Variants in SPTA1 observed in about 807,000 individuals in gnomAD.
The protein encoded by SPTA1 is spectrin alpha, erythrocytic 1.
A neutral mutation model predicts 324.7 loss-of-function variants in SPTA1; 177 were observed. That is an observed-to-expected ratio of 0.55 (90% CI 0.48 to 0.62). SPTA1 has a LOEUF of 0.62. SPTA1 is among the 20% of genes least tolerant of loss of function. SPTA1 has a pLI of 0.00. For synonymous variants in SPTA1, 1,195 were observed against 1,041.3 expected, an observed-to-expected ratio of 1.15 and a Z score of -2.84; for missense variants, 3,162 against 2,883.6, an observed-to-expected ratio of 1.10 and a Z score of -2.21.
chr1:158,671,840 C>G (rs1481950725), intron 11 of SPTA1, among the ~76,000 whole-genome samples: 2 of 152,174 alleles, frequency 1.3e-5, no homozygotes, highest in African/African-American at 4.8e-5. Flanking sequence ...GTTAAAGCCT[C>G]TCTGCTATGT....
chr1:158,654,553 G>T (rs1652688271), intron 21 of SPTA1, 58 bp downstream of exon 21: 1 of 1,608,714 alleles, frequency 6.2e-7, no homozygotes. Context: ...TGGCAGGATT[G>T]GGAGAGATGG....
intron 39 of SPTA1, among the ~76,000 whole-genome samples, chr1:158,628,844 A>G (rs1192145471): frequency 6.6e-6 from 1 of 152,128 alleles, no homozygotes; most frequent in Admixed American, 6.6e-5. Context: ...GAGAAAATAG[A>G]TAAATTCCTA....
chr1:158,642,137 C>A lies in SPTA1; in HGVS notation c.4737+274G>T, dbSNP rs530356469. ...GAACACATGGACACAGGAATGGGAA[C>A]ATCACACACCAGGGACTGTTGTGGG... On this transcript the variant is annotated intron_variant, in intron 33 of 51. Coordinates refer to ENST00000643759, the MANE Select transcript of SPTA1 (RefSeq NM_003126.4). Among the ~76,000 whole-genome samples the A allele has an allele frequency of 2.0e-5, 3 of 151,840 alleles. No homozygotes were observed. The South Asian group carries it at 6.3e-4, about 32-fold the overall frequency.
chr1:158,651,365 A>G lies in SPTA1; in HGVS notation c.3477+2T>C. 1 of 1,609,450 alleles carries G rather than the reference A, an allele frequency of 6.2e-7. No individual in the cohort carries two copies. Among genetic ancestry groups the G allele is most frequent in the Non-Finnish European group, 8.5e-7 (1 of 1,175,800 alleles). ...AGGAGGAATGGAGGGAGCCTTAGTT[A>G]CCTGCCGGATTTGAGCTCCTTCTGG... On this transcript the variant is annotated splice_donor_variant, in intron 24 of 51. Transcript: ENST00000643759. LOFTEE classifies it high-confidence loss of function.
chr1:158,638,348 T>C (rs745757049), intron 35 of SPTA1, 107 bp from the exon 36 acceptor site: 3 of 1,117,688 alleles, frequency 2.7e-6, no homozygotes, highest in Non-Finnish European at 3.9e-6. Flanking sequence ...AATGGATTGC[T>C]TTTAAAGACA....
At chr1:158,615,100 A>T in intron 48 of SPTA1, 116 bp downstream of exon 48, 2 of 1,145,104 alleles carry the variant, frequency 1.7e-6, no homozygotes, top group Non-Finnish European at 2.6e-6. Flanking sequence ...GACCCAGAAT[A>T]TTGGTTCTCT....
chr1:158,638,088 C>T lies in SPTA1; in HGVS notation c.5134G>A (p.Ala1712Thr). The change falls in exon 36 of 52, where the codon GCC becomes ACC. Residue 1712 changes from alanine (A) to threonine (T), a missense_variant. Physicochemically the swap from Ala to Thr is moderately conservative, Grantham distance 58 (BLOSUM62 0). Transcript: ENST00000643759. Reference protein sequence around the residue: ...AAAHHEKLKEAYALFQFFQDL... With the variant: ...AAAHHEKLKETYALFQFFQDL... ...TGGAAGAACTGGAACAAGGCATAGG[C>T]CTCTTTCAATTTTTCGTGGTGTGCA... 4 of 1,614,026 alleles carry T rather than the reference C, an allele frequency of 2.5e-6. No homozygotes were observed. Among genetic ancestry groups the T allele is most frequent in the Non-Finnish European group, 3.4e-6 (4 of 1,179,936 alleles).
At position 158,615,697 on chromosome 1, in the gene SPTA1, CATCT is replaced by C. The variant is rs796743875; in HGVS notation, c.6601-298_6601-295del. 1.3e-4 allele frequency among the ~76,000 whole-genome samples: 16 copies of C among 126,748 alleles called. 1 individual carries two copies. Among genetic ancestry groups the C allele is most frequent in the South Asian group, 7.4e-4 (3 of 4,074 alleles). The allele number at this position is 126,748 out of a possible 152,430, so 83.2% of individuals were successfully genotyped here. ...ATATCTATATATTCTTTCTATCTAT[CATCT>C]ATCTATCATCTATCTATCTGTCTGT... On this transcript the variant is annotated intron_variant, in intron 47 of 51. Coordinates refer to ENST00000643759, the MANE Select transcript of SPTA1 (RefSeq NM_003126.4).
intron 22 of SPTA1, 78 bp downstream of exon 22, chr1:158,653,196 C>G: frequency 6.3e-7 from 1 of 1,593,122 alleles, no homozygotes; most frequent in Non-Finnish European, 8.6e-7. Context: ...CTAACAGATG[C>G]AGGGTCATGA....
At position 158,639,611 on chromosome 1, in the gene SPTA1, G is replaced by A; in HGVS notation, c.4951C>T (p.Leu1651=). The change falls in exon 35 of 52, where the codon CTA becomes TTA. Residue 1651 remains leucine (L), a synonymous_variant. Transcript: ENST00000643759. ...CGAGCCAACATCTCTCTCTCCAATA[G>A]CTGATGCTTCTTGAGTAGGTTTCCT... ...SAGNLLKKHQ[L]LEREMLARED... 1 of 1,613,920 alleles carries A rather than the reference G, an allele frequency of 6.2e-7. No individual in the cohort carries two copies. The highest frequency in any genetic ancestry group is 8.5e-7 in the Non-Finnish European group (1 of 1,179,898).
chr1:158,634,753 T>C (rs936237945), intron 38 of SPTA1, 78 bp from the exon 39 acceptor site: 1 of 1,557,820 alleles, frequency 6.4e-7, no homozygotes, highest in African/African-American at 1.4e-5. Context: ...TGGCACAATC[T>C]CATTCAGGCA....
Position 158,645,222 on chromosome 1 carries a change from C to G in SPTA1, c.4160G>C (p.Arg1387Pro), listed in dbSNP as rs368282292. ...CAGGCACTGGTCTAGGATCTTCTTG[C>G]GTTTTTCCCAAGCCTTCTCCAAATC... is the stretch of plus-strand genomic sequence containing the variant. Reference protein sequence around the residue: ...RDDLEKAWEKRKKILDQCLEL... With the variant: ...RDDLEKAWEKPKKILDQCLEL... The change falls in exon 29 of 52, where the codon CGC (arginine) becomes CCC (proline). Residue 1387 changes from arginine to proline, a missense_variant. Transcript: ENST00000643759. The G allele has an allele frequency of 2.5e-6, 4 of 1,613,854 alleles. No homozygotes were observed. The South Asian group carries it at 4.4e-5, about 18-fold the overall frequency.
Position 158,638,194 on chromosome 1 carries a change from G to T in SPTA1, c.5028C>A (p.Ser1676Arg). Reference protein sequence around the residue: ...LNTLAEDLLSSGTFNVDQIVK... With the variant: ...LNTLAEDLLSRGTFNVDQIVK... ...CAATCTGATCAACGTTGAAAGTCCC[G>T]CTGGAGAGCAAATCTTCAGCCAATG... Residue 1676 changes from serine (S) to arginine (R), a missense_variant, in exon 36 of 52, where the codon AGC becomes AGA. Ser to Arg is a moderately radical substitution (Grantham distance 110, BLOSUM62 -1). Transcript: ENST00000643759. 6.2e-7 allele frequency: 1 copy of T among 1,613,654 alleles called. No individual in the cohort carries two copies. The highest frequency in any genetic ancestry group is 8.5e-7 in the Non-Finnish European group (1 of 1,179,946).
At chr1:158,669,827 G>A in intron 12 of SPTA1, 41 bp from the exon 13 acceptor site, 1 of 1,596,672 alleles carries the variant, frequency 6.3e-7, no homozygotes, top group Non-Finnish European at 8.6e-7. Context: ...TTCCTTCAGT[G>A]ACCACTGAGT....
Position 158,677,777 on chromosome 1 carries a change from C to T in SPTA1, c.870G>A (p.Glu290=). 3.1e-6 allele frequency: 5 copies of T among 1,613,706 alleles called. No individual in the cohort carries two copies. The South Asian group carries it at 3.3e-5, about 11-fold the overall frequency. ...IKEKEPVLTS[E]DYGKDLVASE... is the part of the protein sequence containing the mutation. ...AGGCAACAAGGTCTTTGCCATAGTCCTCAGAGGTGAGTACAGGTTCCTTCT... is the reference window on the plus strand; with the variant it reads ...AGGCAACAAGGTCTTTGCCATAGTCTTCAGAGGTGAGTACAGGTTCCTTCT... Residue 290 remains glutamate (E), a synonymous_variant, in exon 7 of 52, where the codon GAG becomes GAA. Transcript: ENST00000643759.
In SPTA1 at chr1:158,647,555, A is replaced by G. The variant is rs1251094376; in HGVS notation, c.3880T>C (p.Phe1294Leu). Residue 1294 changes from phenylalanine (F) to leucine (L), a missense_variant, in exon 27 of 52, where the codon TTC becomes CTC. Coordinates refer to ENST00000643759, the MANE Select transcript of SPTA1 (RefSeq NM_003126.4). The part of the protein sequence containing the change: ...SLNEAQKFYL[F>L]LSKARDLQNW... ...CCACTCTACCTGGCCTTGCTGAGGAACAGGTAGAATTTCTGGGCCTCATTT... is the reference window on the plus strand; with the variant it reads ...CCACTCTACCTGGCCTTGCTGAGGAGCAGGTAGAATTTCTGGGCCTCATTT... The G allele has an allele frequency of 8.1e-6, 13 of 1,613,320 alleles. No homozygotes were observed. The highest frequency in any genetic ancestry group is 1.8e-4 in the Middle Eastern group (1 of 5,704).
chr1:158,649,678 C>T (rs1652274192), intron 25 of SPTA1, among the ~76,000 whole-genome samples, 178 bp downstream of exon 25: 1 of 152,210 alleles, frequency 6.6e-6, no homozygotes, highest in Non-Finnish European at 1.5e-5. Context: ...AGCTAGTTGT[C>T]TGGGAGTATC....
chr1:158,650,429 A>C (rs766576334), intron 24 of SPTA1, among the ~76,000 whole-genome samples: 1 of 152,194 alleles, frequency 6.6e-6, no homozygotes, highest in East Asian at 1.9e-4. Flanking sequence ...CAGAAAACTC[A>C]TCCTCACTGA....
chr1:158,614,370 G>A, intron 48 of SPTA1, 64 bp from the exon 49 acceptor site: 1 of 1,151,604 alleles, frequency 8.7e-7, no homozygotes, highest in Non-Finnish European at 1.3e-6. Context: ...CAGAACACAA[G>A]CCACATGGAA....
Sources: allele counts gnomAD v4.1 joint callset (sites outside exome capture counted in the v4.1 genomes callset), GRCh38; gene constraint gnomAD v4.1.1; transcripts MANE v1.5; gene names NCBI Gene and HGNC (gene_info 2026-07-23, HGNC 2026-07-21).